The following SEMA6D variants were observed in gnomAD, a reference collection of about 807,000 sequenced individuals.
SEMA6D encodes semaphorin-6D.
Under a neutral mutation model 106.6 loss-of-function variants are expected in SEMA6D, and 35 were observed. The ratio of observed to expected loss-of-function variants is 0.33; its 90% CI spans 0.25 to 0.44. The LOEUF is 0.44. SEMA6D is among the 20% of genes least tolerant of loss of function. The pLI is 1.00. For synonymous variants in SEMA6D, 499 were observed against 487.7 expected, an observed-to-expected ratio of 1.02 and a Z score of -0.31; for missense variants, 1,185 against 1,345.9, an observed-to-expected ratio of 0.88 and a Z score of 1.87.
chr15:47,228,824 T>C (rs2031989658), intron 1 of SEMA6D, among the ~76,000 whole-genome samples: 1 of 151,996 alleles, frequency 6.6e-6, no homozygotes, highest in Non-Finnish European at 1.5e-5. Context: ...AGTGCCAAAG[T>C]GGGTCCCTGT....
upstream of SEMA6D, chr15:47,717,308 G>C (rs917569760): frequency 1.3e-5 from 2 of 151,952 alleles, no homozygotes; most frequent in African/African-American, 4.8e-5. Flanking sequence ...TCCAGGCGGC[G>C]CTGGCCACGG....
chr15:47,681,868 G>A (rs968734614), intron 4 of SEMA6D, among the ~76,000 whole-genome samples: 1 of 152,102 alleles, frequency 6.6e-6, no homozygotes, highest in African/African-American at 2.4e-5. Flanking sequence ...GATCATCATG[G>A]GGATATAGCT....
In SEMA6D at chr15:47,657,719, C is replaced by CTTTTTTTTTTTTTTTTTTTTTTTTTTTTT. The variant is rs71118191; in HGVS notation, c.-55+56835_-55+56863dup. ...CATTTAGTGACAGAGGGCTTCATTTCTTTTTTTTTTTTTTTTTTTTTTTTT... is the reference window on the plus strand; with the variant it reads ...CATTTAGTGACAGAGGGCTTCATTTCTTTTTTTTTTTTTTTTTTTTTTTTTTTTTTTTTTTTTTTTTTTTTTTTTTTTTT... On this transcript the variant is annotated intron_variant, in intron 4 of 19. Transcript: ENST00000558014. 5.5e-5 allele frequency among the ~76,000 whole-genome samples: 3 copies of CTTTTTTTTTTTTTTTTTTTTTTTTTTTTT among 54,654 alleles called. 1 individual carries two copies. The highest frequency in any genetic ancestry group is 6.3e-5 in the Non-Finnish European group (2 of 31,610). The allele number at this position is 54,654 out of a possible 152,430, so 35.9% of individuals were successfully genotyped here. A position where few individuals can be genotyped will look rare whatever the true frequency, so the allele number is the denominator to read the frequency against.
chr15:47,304,140 A>G (rs931372968), intron 1 of SEMA6D, among the ~76,000 whole-genome samples: 5 of 152,114 alleles, frequency 3.3e-5, no homozygotes, highest in African/African-American at 4.8e-5. Flanking sequence ...TAGTTATACT[A>G]TAAGTAGCAC....
At chr15:47,213,140 T>TA (rs998300893) in intron 1 of SEMA6D, among the ~76,000 whole-genome samples, 4 of 152,178 alleles carry the variant, frequency 2.6e-5, no homozygotes, top group African/African-American at 4.8e-5. Context: ...TAAACAGAAT[T>TA]ACATTACATT....
chr15:47,634,891 T>G (rs917646820), intron 4 of SEMA6D, among the ~76,000 whole-genome samples: 2 of 152,322 alleles, frequency 1.3e-5, no homozygotes, highest in African/African-American at 4.8e-5. Context: ...TGCAGGTTTT[T>G]CCTGCATGTC....
chr15:47,517,191 G>T (rs904704365), intron 3 of SEMA6D, among the ~76,000 whole-genome samples: 3 of 152,118 alleles, frequency 2.0e-5, no homozygotes, highest in African/African-American at 7.2e-5. Flanking sequence ...AGAGGCAGTT[G>T]TATGGCTGCC....
At chr15:47,503,664 T>G (rs2043933786) in intron 3 of SEMA6D, among the ~76,000 whole-genome samples, 1 of 148,516 alleles carries the variant, frequency 6.7e-6, no homozygotes, top group Non-Finnish European at 1.5e-5. Context: ...TCTGTGCACA[T>G]GCAGGGGTGC....
intron 3 of SEMA6D, among the ~76,000 whole-genome samples, chr15:47,540,433 C>T (rs1234334620): frequency 1.3e-5 from 2 of 150,886 alleles, no homozygotes; most frequent in Admixed American, 6.6e-5. Flanking sequence ...TTAACTTGTA[C>T]TGAAAAAAAA....
rs746588840 is a variant in SEMA6D at position 47,771,024 on chromosome 15, C to T, written c.2461C>T (p.His821Tyr). 2 of 1,614,038 alleles carry T rather than the reference C, an allele frequency of 1.2e-6. No homozygotes were observed. Among genetic ancestry groups the T allele is most frequent in the African/African-American group, 2.7e-5 (2 of 74,926 alleles). ...SSPPPHSPLS[H>Y]GHIPSAIVLP... ...TCCGCCACCTCATTCCCCATTAAGT[C>T]ATGGGCATATCCCCAGTGCCATTGT... is the stretch of plus-strand genomic sequence containing the variant. Residue 821 changes from histidine (H) to tyrosine (Y), a missense_variant, in exon 19 of 19, where the codon CAT becomes TAT. His to Tyr is a moderately conservative substitution (Grantham distance 83). Transcript: ENST00000536845.
intron 3 of SEMA6D, among the ~76,000 whole-genome samples, chr15:47,582,946 C>T (rs2076279426): frequency 6.6e-6 from 1 of 152,168 alleles, no homozygotes; most frequent in Admixed American, 6.6e-5. Context: ...ATTGCCAAGC[C>T]CTCCACTCCC....
At chr15:47,384,780 T>C (rs537075424) in intron 1 of SEMA6D, among the ~76,000 whole-genome samples, 1 of 151,428 alleles carries the variant, frequency 6.6e-6, no homozygotes, top group Non-Finnish European at 1.5e-5. Flanking sequence ...ATTTTCCCAT[T>C]TATCTATTTC....
chr15:47,230,611 T>C (rs552370211), intron 1 of SEMA6D, among the ~76,000 whole-genome samples: 1 of 152,052 alleles, frequency 6.6e-6, no homozygotes, highest in African/African-American at 2.4e-5. Flanking sequence ...CCAGGATTTC[T>C]TCCTTTATAC....
chr15:47,511,337 T>C (rs1236288589), intron 3 of SEMA6D, among the ~76,000 whole-genome samples: 2 of 152,224 alleles, frequency 1.3e-5, no homozygotes, highest in African/African-American at 4.8e-5. Flanking sequence ...ATTTATAGTT[T>C]GCAATTTTAA....
At chr15:47,393,014 T>G (rs546019136) in intron 1 of SEMA6D, among the ~76,000 whole-genome samples, 4 of 152,310 alleles carry the variant, frequency 2.6e-5, no homozygotes, top group African/African-American at 7.2e-5. Flanking sequence ...AATCAAGAAG[T>G]CTTCAGTTGG....
intron 1 of SEMA6D, among the ~76,000 whole-genome samples, chr15:47,353,552 C>G (rs1344513447): frequency 6.6e-6 from 1 of 152,166 alleles, no homozygotes; most frequent in African/African-American, 2.4e-5. Flanking sequence ...ATGATTTCAT[C>G]CAGACGAATT....
intron 3 of SEMA6D, among the ~76,000 whole-genome samples, chr15:47,502,179 AT>A: frequency 6.6e-6 from 1 of 152,342 alleles, no homozygotes; most frequent in Non-Finnish European, 1.5e-5. Context: ...CATAAAAAAA[AT>A]CACACTTAAT....
chr15:47,215,631 G>A (rs1028994756), intron 1 of SEMA6D, among the ~76,000 whole-genome samples: 6 of 152,008 alleles, frequency 3.9e-5, no homozygotes, highest in African/African-American at 1.4e-4. Context: ...TAATATTTAT[G>A]GAGAGATGGA....
intron 1 of SEMA6D, among the ~76,000 whole-genome samples, chr15:47,361,323 A>C (rs767130813): frequency 1.3e-4 from 20 of 152,192 alleles, no homozygotes; most frequent in Non-Finnish European, 2.5e-4. Context: ...TACTACCCAT[A>C]AGGCCACTGA....
Sources: allele counts gnomAD v4.1 joint callset (sites outside exome capture counted in the v4.1 genomes callset), GRCh38; gene constraint gnomAD v4.1.1; transcripts MANE v1.5; gene names NCBI Gene and HGNC (gene_info 2026-07-23, HGNC 2026-07-21).